Variants in KCNG3 observed in about 807,000 individuals in gnomAD.
The protein encoded by KCNG3 is potassium voltage-gated channel modifier subfamily G member 3.
In KCNG3, 15 loss-of-function variants were observed where a neutral mutation model predicts 29.0. That is an observed-to-expected ratio of 0.52 (90% CI 0.35 to 0.80). KCNG3 has a LOEUF of 0.80. Ranked by LOEUF, KCNG3 falls within the 30% of genes least tolerant of loss-of-function variation. The pLI, the probability that KCNG3 is intolerant of heterozygous loss-of-function variation, is 0.01. For synonymous variants in KCNG3, 322 were observed against 248.9 expected (o/e 1.29, Z -2.76); for missense variants, 512 against 605.7 (o/e 0.85, Z 1.62).
chr2:42,482,311 G>A (rs955669202), intron 1 of KCNG3, among the ~76,000 whole-genome samples: 1 of 152,248 alleles, frequency 6.6e-6, no homozygotes, highest in Non-Finnish European at 1.5e-5. Context: ...GGGCATAGTG[G>A]CTCATGCCTA....
At position 42,476,150 on chromosome 2, in the gene KCNG3, A is replaced by T. The variant is rs998128074; in HGVS notation, c.665+16687T>A. On this transcript the variant is annotated intron_variant, in intron 1 of 1. Transcript: ENST00000306078. ...AGTACAGTTTTTTAAAATTTTTTCA[A>T]TTATTCATGTCTCTTTATCTGTTAC... Among the ~76,000 whole-genome samples the T allele has an allele frequency of 2.0e-5, 3 of 152,158 alleles. No homozygotes were observed. The East Asian group carries it at 5.8e-4, about 29-fold the overall frequency.
At chr2:42,476,748 C>A (rs1057246300) in intron 1 of KCNG3, among the ~76,000 whole-genome samples, 3 of 151,548 alleles carry the variant, frequency 2.0e-5, no homozygotes, top group Non-Finnish European at 2.9e-5. Context: ...CCTCAGCCTC[C>A]CAAAGTGCTG....
the KCNG3 span, among the ~76,000 whole-genome samples, chr2:42,410,604 T>A: frequency 6.6e-6 from 1 of 152,176 alleles, no homozygotes; most frequent in Non-Finnish European, 1.5e-5. Flanking sequence ...CTTTATATTT[T>A]CTATGTAAAA....
In KCNG3 at chr2:42,464,292, G is replaced by T. The variant is rs138335914; in HGVS notation, c.666-19713C>A. Among the ~76,000 whole-genome samples, 198 of 152,214 alleles carry T rather than the reference G, an allele frequency of 1.3e-3. 1 individual carries two copies. Among genetic ancestry groups the T allele is most frequent in the African/African-American group, 4.6e-3 (190 of 41,542 alleles). ...AAGTTGCCCAGGTTGGTCTAGAACTGCTGGCCTCAAGTGATCCACCTGCCT... is the reference window on the plus strand; with the variant it reads ...AAGTTGCCCAGGTTGGTCTAGAACTTCTGGCCTCAAGTGATCCACCTGCCT... On this transcript the variant is annotated intron_variant, in intron 1 of 1. Coordinates refer to ENST00000306078, the MANE Select transcript of KCNG3 (RefSeq NM_133329.6).
chr2:42,400,707 G>C, the KCNG3 span, among the ~76,000 whole-genome samples: 1 of 151,948 alleles, frequency 6.6e-6, no homozygotes, highest in Admixed American at 6.6e-5. Context: ...TATTATCTAA[G>C]AATGAACAGA....
At chr2:42,471,493 AG>A (rs1430200511) in intron 1 of KCNG3, among the ~76,000 whole-genome samples, 2 of 152,042 alleles carry the variant, frequency 1.3e-5, no homozygotes, top group Admixed American at 1.3e-4. Flanking sequence ...GTATGCGAGG[AG>A]GGGGAACAGG....
the KCNG3 span, among the ~76,000 whole-genome samples, chr2:42,408,286 C>G: frequency 6.6e-6 from 1 of 152,196 alleles, no homozygotes; most frequent in Non-Finnish European, 1.5e-5. Flanking sequence ...CACATAGGGC[C>G]TGAAGGCTAG....
the KCNG3 span, among the ~76,000 whole-genome samples, chr2:42,435,367 T>C: frequency 1.3e-5 from 2 of 152,152 alleles, no homozygotes; most frequent in Non-Finnish European, 2.9e-5. Context: ...TGACCTTCAC[T>C]TTATTAGATA....
the KCNG3 span, chr2:42,425,135 G>C: frequency 6.6e-6 from 1 of 151,930 alleles, no homozygotes; most frequent in Non-Finnish European, 1.5e-5. Context: ...GCACCACCGG[G>C]TCAAGGGGTC....
chr2:42,491,179 T>G (rs908608019), intron 1 of KCNG3, among the ~76,000 whole-genome samples: 1 of 152,214 alleles, frequency 6.6e-6, no homozygotes, highest in Non-Finnish European at 1.5e-5. Context: ...TTTCCATCTC[T>G]GTCTTCCCTT....
At chr2:42,393,701 A>G in the KCNG3 span, among the ~76,000 whole-genome samples, 1 of 152,198 alleles carries the variant, frequency 6.6e-6, no homozygotes, top group Admixed American at 6.5e-5. Context: ...CTGGAGCTCC[A>G]GTCATTGCAT....
chr2:42,482,379 G>T lies in KCNG3; in HGVS notation c.665+10458C>A, dbSNP rs956240015. Among the ~76,000 whole-genome samples, 5 of 152,160 alleles carry T rather than the reference G, an allele frequency of 3.3e-5. No individual in the cohort carries two copies. In the South Asian group the frequency reaches 8.3e-4, roughly 25 times the overall value. On this transcript the variant is annotated intron_variant, in intron 1 of 1. Coordinates refer to ENST00000306078, the MANE Select transcript of KCNG3 (RefSeq NM_133329.6). ...GAATTGCTTGAGGCCAGAAGTTCAA[G>T]ACCAGAATGGAAACACAGAGAGACT...
At chr2:42,463,878 T>C (rs961920411) in intron 1 of KCNG3, 42 of 287,416 alleles carry the variant, frequency 1.5e-4, no homozygotes, top group Non-Finnish European at 5.5e-5. Context: ...AGTTTGTAAA[T>C]TCTAATCCCT....
the KCNG3 span, among the ~76,000 whole-genome samples, chr2:42,396,978 G>A: frequency 6.6e-6 from 1 of 152,120 alleles, no homozygotes; most frequent in Non-Finnish European, 1.5e-5. Context: ...GCAATGAGAG[G>A]CTGGGCACGG....
the KCNG3 span, among the ~76,000 whole-genome samples, chr2:42,393,118 G>A: frequency 1.3e-5 from 2 of 152,048 alleles, no homozygotes; most frequent in African/African-American, 4.8e-5. Context: ...GATAATAATA[G>A]TACCTGCTTC....
At chr2:42,480,356 G>GTAGC (rs1373848932) in intron 1 of KCNG3, among the ~76,000 whole-genome samples, 1 of 152,140 alleles carries the variant, frequency 6.6e-6, no homozygotes, top group East Asian at 1.9e-4. Flanking sequence ...CTGAGGTCCT[G>GTAGC]TAGCTAGACA....
At chr2:42,454,669 G>GC (rs1672837363) in intron 1 of KCNG3, among the ~76,000 whole-genome samples, 1 of 149,312 alleles carries the variant, frequency 6.7e-6, no homozygotes, top group African/African-American at 2.5e-5. Context: ...CCAAGATCGT[G>GC]CCATTGTACT....
chr2:42,468,740 G>GA (rs1553329470), intron 1 of KCNG3, among the ~76,000 whole-genome samples: 1 of 151,390 alleles, frequency 6.6e-6, no homozygotes. Context: ...GGATCACGAA[G>GA]TCAGGAGTTC....
intron 1 of KCNG3, among the ~76,000 whole-genome samples, chr2:42,475,903 C>T (rs2103717783): frequency 6.6e-6 from 1 of 152,100 alleles, no homozygotes; most frequent in African/African-American, 2.4e-5. Context: ...CCCGTATCTA[C>T]TAAAAATACA....
Sources: gnomAD v4.1 joint callset for allele counts (sites outside exome capture counted in the v4.1 genomes callset) on GRCh38, gnomAD v4.1.1 for gene constraint, MANE v1.5 for transcripts, NCBI Gene and HGNC (gene_info 2026-07-23, HGNC 2026-07-21) for gene names.